Variants in KIF26B observed in about 807,000 individuals in gnomAD.
KIF26B encodes kinesin-like protein KIF26B.
In KIF26B, 63 loss-of-function variants were observed where a neutral mutation model predicts 151.2. The observed-to-expected ratio is 0.42, with a 90% CI of 0.34 to 0.51. The LOEUF (loss-of-function observed/expected upper bound fraction) is 0.51. Among genes scored for constraint, KIF26B ranks in the 20% least tolerant of loss-of-function variants. The pLI, the probability that KIF26B is intolerant of heterozygous loss-of-function variation, is 0.07. For synonymous variants in KIF26B, 1,357 were observed against 1,262.1 expected, an observed-to-expected ratio of 1.08 and a Z score of -1.59; for missense variants, 2,813 against 2,913.6, an observed-to-expected ratio of 0.97 and a Z score of 0.79.
intron 5 of KIF26B, among the ~76,000 whole-genome samples, chr1:245,574,497 G>C (rs2043096590): frequency 1.3e-5 from 2 of 152,212 alleles, no homozygotes; most frequent in African/African-American, 4.8e-5. Context: ...AGCCAGGCAA[G>C]ATGATCTGAG....
rs548422038 is a variant in KIF26B at position 245,527,524 on chromosome 1, C to CT, written c.1167-13216dup. Among the ~76,000 whole-genome samples, 486 of 50,668 alleles carry CT rather than the reference C, an allele frequency of 9.6e-3. 116 individuals are homozygous for CT. Among genetic ancestry groups the CT allele is most frequent in the African/African-American group, 0.033 (339 of 10,184 alleles). 33.2% of individuals were successfully genotyped at this position (50,668 alleles called of 152,430 possible). On this transcript the variant is annotated intron_variant, in intron 4 of 14. Transcript: ENST00000407071. ...TCATTTATATCTGGCTTTGGGATGG[C>CT]TTTTTTTTTTTTTTTTTTTTTTTTT...
intron 4 of KIF26B, among the ~76,000 whole-genome samples, chr1:245,434,866 G>A (rs745909798): frequency 1.3e-5 from 2 of 151,920 alleles, no homozygotes; most frequent in Non-Finnish European, 2.9e-5. Flanking sequence ...CTGTCTTATG[G>A]CTGTTACCTA....
chr1:245,157,125 A>G (rs553815724), intron 2 of KIF26B, among the ~76,000 whole-genome samples: 6 of 151,502 alleles, frequency 4.0e-5, no homozygotes, highest in South Asian at 2.1e-4. Flanking sequence ...TTTGTGGTCC[A>G]TCCTTTCCGC....
At chr1:245,291,741 G>A (rs558543424) in intron 2 of KIF26B, among the ~76,000 whole-genome samples, 2 of 152,322 alleles carry the variant, frequency 1.3e-5, no homozygotes, top group African/African-American at 4.8e-5. Context: ...TGAGGACCTG[G>A]CATTTAAGCT....
chr1:245,397,357 A>C (rs1413537730), intron 3 of KIF26B, among the ~76,000 whole-genome samples: 1 of 152,116 alleles, frequency 6.6e-6, no homozygotes. Context: ...CTGGGATTAC[A>C]GGCATGCACC....
intron 2 of KIF26B, among the ~76,000 whole-genome samples, chr1:245,190,405 C>T (rs924763898): frequency 5.3e-5 from 8 of 152,048 alleles, no homozygotes; most frequent in Non-Finnish European, 1.2e-4. Flanking sequence ...GCTGCAGGGT[C>T]TTTAGCCTGG....
At position 245,505,768 on chromosome 1, in the gene KIF26B, A is replaced by T. The variant is rs1021198320; in HGVS notation, c.1167-34999A>T. Reference sequence around the variant, plus strand: ...CTGAACAATGTGGATTTTAGAAATAATTACCAAATATAAACACTACTAAAA... The same window carrying T: ...CTGAACAATGTGGATTTTAGAAATATTTACCAAATATAAACACTACTAAAA... On this transcript the variant is annotated intron_variant, in intron 4 of 14. Transcript: ENST00000407071. Among the ~76,000 whole-genome samples the T allele has an allele frequency of 2.6e-5, 4 of 152,236 alleles. No homozygotes were observed. In the East Asian group the frequency reaches 5.8e-4, roughly 22 times the overall value.
chr1:245,600,290 G>A lies in KIF26B; in HGVS notation c.1351-2287G>A, dbSNP rs182757527. Among the ~76,000 whole-genome samples the A allele has an allele frequency of 1.9e-4, 26 of 138,206 alleles. 1 individual carries two copies. Among genetic ancestry groups the A allele is most frequent in the Middle Eastern group, 3.8e-3 (1 of 264 alleles). 90.7% of individuals were successfully genotyped at this position (138,206 alleles called of 152,430 possible). On this transcript the variant is annotated intron_variant, in intron 5 of 14. Coordinates refer to ENST00000407071, the MANE Select transcript of KIF26B (RefSeq NM_018012.4). ...CCTGACCTTGTGATCCGCCCGCCTC[G>A]GCCTCCCAAAGTGCTGGGATTACAG...
intron 2 of KIF26B, among the ~76,000 whole-genome samples, chr1:245,232,770 G>A (rs1039131467): frequency 7.2e-5 from 11 of 152,164 alleles, no homozygotes; most frequent in African/African-American, 2.4e-4. Flanking sequence ...GGCTGGTCTC[G>A]AACTCCCGAC....
intron 4 of KIF26B, among the ~76,000 whole-genome samples, chr1:245,451,898 C>A (rs1659405363): frequency 6.6e-6 from 1 of 152,106 alleles, no homozygotes; most frequent in African/African-American, 2.4e-5. Flanking sequence ...CCATGCCTGG[C>A]TAAGATCTAT....
intron 2 of KIF26B, among the ~76,000 whole-genome samples, chr1:245,297,899 G>GTTTGT (rs1179692761): frequency 2.0e-5 from 3 of 151,794 alleles, no homozygotes; most frequent in Non-Finnish European, 2.9e-5. Flanking sequence ...TTGTTTGTTT[G>GTTTGT]TTTTTGAGAC....
rs1278923930 is a variant in KIF26B, at chr1:245,601,528, G to GAAAT, written c.1351-1046_1351-1043dup. On this transcript the variant is annotated intron_variant, in intron 5 of 14. Coordinates refer to ENST00000407071, the MANE Select transcript of KIF26B (RefSeq NM_018012.4). The surrounding 1 kb of genome is among the most constrained non-coding windows in gnomAD (Gnocchi z 4.4). ...AGAACAAGACACAGAGAGGAATTTA[G>GAAAT]AAATAATCCTTGTGCATACCTTCCG... 6.6e-6 allele frequency among the ~76,000 whole-genome samples: 1 copy of GAAAT among 152,156 alleles called. No individual in the cohort carries two copies. The highest frequency in any genetic ancestry group is 6.5e-5 in the Admixed American group (1 of 15,280).
At chr1:245,493,355 A>G (rs35547840) in intron 4 of KIF26B, among the ~76,000 whole-genome samples, 5,042 of 152,340 alleles carry the variant, frequency 0.033, 133 homozygotes, top group Non-Finnish European at 0.05. Flanking sequence ...TAATTTGATT[A>G]ATTGGGCTTG....
At chr1:245,351,361 T>C (rs1026170097) in intron 2 of KIF26B, among the ~76,000 whole-genome samples, 2 of 152,096 alleles carry the variant, frequency 1.3e-5, no homozygotes, top group African/African-American at 4.8e-5. Context: ...GCTTCTTCCC[T>C]GGCTATGCCT....
chr1:245,279,065 C>T (rs955127546), intron 2 of KIF26B, among the ~76,000 whole-genome samples: 3 of 152,132 alleles, frequency 2.0e-5, no homozygotes, highest in African/African-American at 4.8e-5. Context: ...TTACGGAGCA[C>T]GTGACCCTCT....
In KIF26B at chr1:245,687,597, C is replaced by T. The variant is rs1221028333; in HGVS notation, c.4614C>T (p.Pro1538=). 2 of 1,563,600 alleles carry T rather than the reference C, an allele frequency of 1.3e-6. No individual in the cohort carries two copies. The highest frequency in any genetic ancestry group is 2.4e-5 in the South Asian group (2 of 84,696). ...PNKSVKSSSL[P]RAFQKASRQE... ...AAAGCGTCAAGTCCAGCAGCCTTCC[C>T]AGGGCCTTTCAGAAGGCCAGCCGGC... The change falls in exon 12 of 15, where the codon CCC becomes CCT. Residue 1538 remains proline, a synonymous_variant. Coordinates refer to ENST00000407071, the MANE Select transcript of KIF26B (RefSeq NM_018012.4). The surrounding 1 kb of genome is among the most constrained non-coding windows in gnomAD (Gnocchi z 4.9).
intron 5 of KIF26B, among the ~76,000 whole-genome samples, chr1:245,594,722 G>C (rs911640373): frequency 6.6e-6 from 1 of 152,168 alleles, no homozygotes; most frequent in Non-Finnish European, 1.5e-5. Flanking sequence ...ATGGTAGCTT[G>C]GTGGGAATAG....
rs1668668220 is a variant in KIF26B at position 245,169,336 on chromosome 1, T to TGTGTGTGTGG, written c.465+12662_465+12663insGGTGTGTGTG. 6.5e-4 allele frequency among the ~76,000 whole-genome samples: 9 copies of TGTGTGTGTGG among 13,818 alleles called. No individual in the cohort carries two copies. The South Asian group carries it at 0.041, about 62-fold the overall frequency. The allele number at this position is 13,818 out of a possible 152,430, so 9.1% of individuals were successfully genotyped here. On this transcript the variant is annotated intron_variant, in intron 2 of 14. Coordinates refer to ENST00000407071, the MANE Select transcript of KIF26B (RefSeq NM_018012.4). Reference sequence around the variant, plus strand: ...ACTTTCTAACGGGCCATGGTGTGTGTGTGTGTGTGTGTGTGTGTGTGTGTG... The same window carrying TGTGTGTGTGG: ...ACTTTCTAACGGGCCATGGTGTGTGTGTGTGTGTGGGTGTGTGTGTGTGTGTGTGTGTGTG...
At chr1:245,553,950 T>C (rs897990643) in intron 5 of KIF26B, among the ~76,000 whole-genome samples, 9 of 152,174 alleles carry the variant, frequency 5.9e-5, no homozygotes, top group African/African-American at 2.2e-4. Flanking sequence ...AGAGGGAGCA[T>C]TTCTGGAACC....
Sources: gnomAD v4.1 joint callset for allele counts (sites outside exome capture counted in the v4.1 genomes callset) on GRCh38, gnomAD v4.1.1 for gene constraint, Gnocchi (gnomAD v3.1) non-coding constraint, MANE v1.5 for transcripts, NCBI Gene and HGNC (gene_info 2026-07-23, HGNC 2026-07-21) for gene names.